Variants in COL11A1 observed in about 807,000 individuals in gnomAD.
COL11A1 encodes collagen type XI alpha 1 chain, also known as collagen alpha-1(XI) chain.
Under a neutral mutation model 265.2 loss-of-function variants are expected in COL11A1, and 74 were observed. The ratio of observed to expected loss-of-function variants is 0.28; its 90% confidence interval spans 0.23 to 0.34. The LOEUF is 0.34. Ranked by LOEUF, COL11A1 falls within the 10% of genes least tolerant of loss-of-function variation. The pLI is 1.00. For synonymous variants in COL11A1, 816 were observed against 727.6 expected (o/e 1.12, Z -1.96); for missense variants, 2,165 against 2,263.6 (o/e 0.96, Z 0.88).
rs777310574 is a variant in COL11A1 at position 103,022,743 on chromosome 1, C to G, written c.1244G>C (p.Ser415Thr). The G allele has an allele frequency of 6.2e-7, 1 of 1,613,522 alleles. No homozygotes were observed. ...VPAETDITET[S>T]INGHGAYGEK... is the part of the protein sequence containing the mutation. ...ACACAGTGCATAGTATCAACTTACG[C>G]TTGTTTCTGTAATATCAGTTTCTGC... is the stretch of plus-strand genomic sequence containing the variant. The change falls in exon 8 of 67, where the codon AGC (serine) becomes ACC (threonine). Residue 415 changes from serine (S) to threonine (T), a missense_variant and splice_region_variant. Physicochemically the swap from Ser to Thr is moderately conservative, Grantham distance 58. Coordinates refer to ENST00000370096, the MANE Select transcript of COL11A1 (RefSeq NM_001854.4).
intron 32 of COL11A1, 102 bp downstream of exon 32, chr1:102,979,280 C>G (rs1662807026): frequency 8.1e-7 from 1 of 1,237,852 alleles, no homozygotes; most frequent in South Asian, 1.2e-5. Flanking sequence ...TCAAGCAATC[C>G]TCCACCTGAG....
intron 41 of COL11A1, among the ~76,000 whole-genome samples, chr1:102,952,593 T>G (rs911148415): frequency 6.6e-6 from 1 of 152,182 alleles, no homozygotes; most frequent in African/African-American, 2.4e-5. Flanking sequence ...AAACAACAGA[T>G]GAAAACAAGA....
At chr1:102,890,014 A>G (rs550714463) in intron 58 of COL11A1, among the ~76,000 whole-genome samples, 1 of 152,274 alleles carries the variant, frequency 6.6e-6, no homozygotes, top group African/African-American at 2.4e-5. Context: ...CAATAATAAT[A>G]CCATTTTTAA....
intron 1 of COL11A1, among the ~76,000 whole-genome samples, chr1:103,091,680 T>C (rs1418442076): frequency 6.6e-6 from 1 of 152,096 alleles, no homozygotes; most frequent in African/African-American, 2.4e-5. Flanking sequence ...TTGTCATTAA[T>C]AATGCTCTGT....
chr1:103,050,237 C>T (rs1184305069), intron 4 of COL11A1, among the ~76,000 whole-genome samples: 4 of 152,294 alleles, frequency 2.6e-5, no homozygotes, highest in Non-Finnish European at 2.9e-5. Context: ...TTCAGGTACA[C>T]CAGTCAGAGG....
At position 102,996,126 on chromosome 1, in the gene COL11A1, A is replaced by G. The variant is rs1328877482; in HGVS notation, c.2242-84T>C. ...ATACTATAATTTTACCAACTAATCTACAAGGATATGGTTTTTTTCTACTGC... is the reference window on the plus strand; with the variant it reads ...ATACTATAATTTTACCAACTAATCTGCAAGGATATGGTTTTTTTCTACTGC... On this transcript the variant is annotated intron_variant, in intron 26 of 66. Transcript: ENST00000370096. 3 of 1,383,154 alleles carry G rather than the reference A, an allele frequency of 2.2e-6. No individual in the cohort carries two copies. The East Asian group carries it at 6.9e-5, about 32-fold the overall frequency. The allele number at this position is 1,383,154 out of a possible 1,614,324, so 85.7% of individuals were successfully genotyped here.
chr1:103,040,194 C>T (rs1200428187), intron 4 of COL11A1, among the ~76,000 whole-genome samples: 1 of 151,144 alleles, frequency 6.6e-6, no homozygotes, highest in African/African-American at 2.4e-5. Context: ...TACTTCATGT[C>T]GACAATAGAA....
intron 37 of COL11A1, among the ~76,000 whole-genome samples, chr1:102,970,003 C>T (rs1454864894): frequency 6.6e-6 from 1 of 151,944 alleles, no homozygotes; most frequent in Non-Finnish European, 1.5e-5. Context: ...TAAAAACAAT[C>T]ATATCAACTA....
At chr1:102,898,199 T>A in intron 56 of COL11A1, 21 bp from the exon 57 acceptor site, 1 of 1,245,588 alleles carries the variant, frequency 8.0e-7, no homozygotes, top group Non-Finnish European at 1.0e-6. Flanking sequence ...TAAAAATGAT[T>A]GATTTTTAAA....
In COL11A1 at chr1:102,881,735, G is replaced by T; in HGVS notation, c.5002C>A (p.Pro1668Thr). 6.2e-7 allele frequency: 1 copy of T among 1,612,532 alleles called. No homozygotes were observed. The highest frequency in any genetic ancestry group is 8.5e-7 in the Non-Finnish European group (1 of 1,179,088). The change falls in exon 65 of 67, where the codon CCA becomes ACA. Residue 1668 changes from proline to threonine, a missense_variant. Pro to Thr is a conservative substitution (Grantham distance 38, BLOSUM62 -1). Transcript: ENST00000370096. ...VRISSWPKEK[P>T]GSWFSEFKRG... ...TTAAATTCACTAAACCAACTTCCTGGTTTCTCCTTTGGCCATGATGAAATT... is the reference window on the plus strand; with the variant it reads ...TTAAATTCACTAAACCAACTTCCTGTTTTCTCCTTTGGCCATGATGAAATT...
rs1231996491 is a variant in COL11A1 at position 102,987,859 on chromosome 1, C to T, written c.2395-119G>A. 4 of 752,672 alleles carry T rather than the reference C, an allele frequency of 5.3e-6. No individual in the cohort carries two copies. The East Asian group carries it at 1.0e-4, about 19-fold the overall frequency. The allele number at this position is 752,672 out of a possible 1,614,324, so 46.6% of individuals were successfully genotyped here. A position where few individuals can be genotyped will look rare whatever the true frequency, so the allele number is the denominator to read the frequency against. On this transcript the variant is annotated intron_variant, in intron 29 of 66. Coordinates refer to ENST00000370096, the MANE Select transcript of COL11A1 (RefSeq NM_001854.4). ...TAATAAACTCCATCTTGCCTTTTAC[C>T]TTCAAACTGCCCTTGATCGTTCCTG...
At chr1:103,095,212 T>C (rs1414963855) in intron 1 of COL11A1, among the ~76,000 whole-genome samples, 1 of 152,122 alleles carries the variant, frequency 6.6e-6, no homozygotes, top group Non-Finnish European at 1.5e-5. Context: ...ATGACCTAGA[T>C]GCTGCTAACA....
chr1:103,022,527 T>C lies in COL11A1; in HGVS notation c.1245+215A>G, dbSNP rs560599548. On this transcript the variant is annotated intron_variant, in intron 8 of 66. Coordinates refer to ENST00000370096, the MANE Select transcript of COL11A1 (RefSeq NM_001854.4). The stretch of plus-strand genomic sequence containing the variant: ...TGCAATTCTATTCAAGATTTTACTT[T>C]CAAATAATGACTCCAAAAGTATGGC... Among the ~76,000 whole-genome samples, 21 of 152,350 alleles carry C rather than the reference T, an allele frequency of 1.4e-4. 1 individual carries two copies. The highest frequency in any genetic ancestry group is 4.8e-4 in the African/African-American group (20 of 41,584).
chr1:103,071,867 T>TTG (rs1421365022), intron 4 of COL11A1, among the ~76,000 whole-genome samples: 1 of 28,448 alleles, frequency 3.5e-5, no homozygotes, highest in African/African-American at 1.1e-4. Flanking sequence ...ACATATGTGT[T>TTG]TGTATATATA....
intron 4 of COL11A1, among the ~76,000 whole-genome samples, chr1:103,057,599 A>G (rs527962707): frequency 6.6e-6 from 1 of 152,288 alleles, no homozygotes; most frequent in South Asian, 2.1e-4. Context: ...GAAGGCTTGA[A>G]AGTTGAAATT....
chr1:102,879,949 A>T (rs1650024388), intron 65 of COL11A1, 33 bp from the exon 66 acceptor site: 1 of 1,354,744 alleles, frequency 7.4e-7, no homozygotes, highest in Non-Finnish European at 1.1e-6. Context: ...ACACCTAATG[A>T]CTCTTTTCCT....
At chr1:102,930,112 G>A (rs1657210311) in intron 46 of COL11A1, among the ~76,000 whole-genome samples, 1 of 152,156 alleles carries the variant, frequency 6.6e-6, no homozygotes, top group African/African-American at 2.4e-5. Context: ...GCCCTGGCCA[G>A]AACTTTCAAC....
At chr1:103,019,289 G>T (rs927350332) in intron 9 of COL11A1, among the ~76,000 whole-genome samples, 1 of 152,064 alleles carries the variant, frequency 6.6e-6, no homozygotes, top group East Asian at 1.9e-4. Context: ...TTAATTCAGG[G>T]AAATTACAGA....
intron 24 of COL11A1, among the ~76,000 whole-genome samples, chr1:102,999,353 G>A (rs1278659394): frequency 1.3e-5 from 2 of 152,020 alleles, no homozygotes; most frequent in East Asian, 1.9e-4. Flanking sequence ...ATGTGGCAGC[G>A]TTGCAATCTG....
Sources: allele counts gnomAD v4.1 joint callset (sites outside exome capture counted in the v4.1 genomes callset), GRCh38; gene constraint gnomAD v4.1.1; transcripts MANE v1.5; gene names NCBI Gene and HGNC (gene_info 2026-07-23, HGNC 2026-07-21).